UBAC2: variants seen among roughly 807,000 people sequenced by gnomAD.
The protein encoded by UBAC2 is ubiquitin-associated domain-containing protein 2.
In UBAC2, 26 loss-of-function variants were observed where a neutral mutation model predicts 44.0. The observed-to-expected ratio is 0.59, with a 90% CI of 0.43 to 0.82. UBAC2 has a LOEUF of 0.82. Ranked by LOEUF, UBAC2 falls within the 40% of genes least tolerant of loss-of-function variation. The pLI, the probability that UBAC2 is intolerant of heterozygous loss-of-function variation, is 0.00. For synonymous variants in UBAC2, 155 were observed against 154.3 expected, an observed-to-expected ratio of 1.00 and a Z score of -0.04; for missense variants, 329 against 419.4, an observed-to-expected ratio of 0.78 and a Z score of 1.88.
At chr13:99,249,269 C>T (rs2043428001) in intron 4 of UBAC2, among the ~76,000 whole-genome samples, 1 of 152,094 alleles carries the variant, frequency 6.6e-6, no homozygotes, top group South Asian at 2.1e-4. Flanking sequence ...TTAGCTCCCA[C>T]TTTTAAGTGA....
intron 4 of UBAC2, among the ~76,000 whole-genome samples, chr13:99,298,267 A>C (rs2044206330): frequency 6.6e-6 from 1 of 152,228 alleles, no homozygotes; most frequent in Non-Finnish European, 1.5e-5. Flanking sequence ...AGGTCACCAG[A>C]AGACTCAAAG....
intron 4 of UBAC2, among the ~76,000 whole-genome samples, chr13:99,245,479 AC>A (rs2043372057): frequency 6.6e-6 from 1 of 152,226 alleles, no homozygotes; most frequent in African/African-American, 2.4e-5. Context: ...TTTAAAAAAA[AC>A]AAAAACCATG....
intron 4 of UBAC2, among the ~76,000 whole-genome samples, chr13:99,251,730 T>A (rs531280252): frequency 6.6e-6 from 1 of 152,270 alleles, no homozygotes; most frequent in South Asian, 2.1e-4. Context: ...CAGACCAGAT[T>A]TGAGATTCCA....
At chr13:99,323,779 A>G (rs960716369) in intron 6 of UBAC2, among the ~76,000 whole-genome samples, 8 of 152,186 alleles carry the variant, frequency 5.3e-5, no homozygotes, top group African/African-American at 1.4e-4. Context: ...CCTTGTGGCA[A>G]TTGCAACTCA....
At chr13:99,360,994 A>G (rs530191295) in intron 7 of UBAC2, among the ~76,000 whole-genome samples, 64 of 152,306 alleles carry the variant, frequency 4.2e-4, no homozygotes, top group Admixed American at 1.8e-3. Flanking sequence ...TAATGTAGAC[A>G]CTGCCTGACC....
intron 1 of UBAC2, among the ~76,000 whole-genome samples, chr13:99,202,605 G>A (rs543616399): frequency 6.6e-6 from 1 of 152,322 alleles, no homozygotes; most frequent in Non-Finnish European, 1.5e-5. Flanking sequence ...TTGATACAGG[G>A]CAACTGTGGG....
At chr13:99,294,762 A>G in intron 4 of UBAC2, 1 of 223,434 alleles carries the variant, frequency 4.5e-6, no homozygotes, top group Non-Finnish European at 8.8e-6. Flanking sequence ...AGAAATAATA[A>G]TTAAATTTTT....
chr13:99,252,902 C>T (rs1594050033), intron 4 of UBAC2, among the ~76,000 whole-genome samples: 1 of 151,742 alleles, frequency 6.6e-6, no homozygotes, highest in Non-Finnish European at 1.5e-5. Flanking sequence ...AGACTAAACT[C>T]TTCTTATCAA....
intron 4 of UBAC2, among the ~76,000 whole-genome samples, chr13:99,277,317 G>A (rs2043896766): frequency 6.6e-6 from 1 of 152,158 alleles, no homozygotes; most frequent in Non-Finnish European, 1.5e-5. Context: ...CCTGAGGTCA[G>A]GAGTTCGAGA....
At chr13:99,315,789 A>C (rs1435977233) in intron 5 of UBAC2, among the ~76,000 whole-genome samples, 1 of 152,076 alleles carries the variant, frequency 6.6e-6, no homozygotes, top group Non-Finnish European at 1.5e-5. Context: ...CATTTTTCTG[A>C]GATTGTAAAT....
Position 99,357,341 on chromosome 13 carries a change from C to T in UBAC2, c.808-10446C>T, listed in dbSNP as rs368629370. The stretch of plus-strand genomic sequence containing the variant: ...AGCCCTGTTGTTAAGCGACACGTGA[C>T]TACAGTTTTAAGTCTAACAAGATGC... On this transcript the variant is annotated intron_variant, in intron 7 of 8. Coordinates refer to ENST00000403766, the MANE Select transcript of UBAC2 (RefSeq NM_001144072.2). Among the ~76,000 whole-genome samples, 4 of 152,302 alleles carry T rather than the reference C, an allele frequency of 2.6e-5. No homozygotes were observed. The East Asian group carries it at 7.7e-4, about 29-fold the overall frequency.
chr13:99,360,942 G>A (rs1484759073), intron 7 of UBAC2, among the ~76,000 whole-genome samples: 3 of 152,134 alleles, frequency 2.0e-5, no homozygotes, highest in African/African-American at 7.2e-5. Flanking sequence ...GTGGACGCTC[G>A]AGTGCCCGAG....
intron 1 of UBAC2, among the ~76,000 whole-genome samples, chr13:99,233,841 T>G (rs964244878): frequency 5.3e-5 from 8 of 152,202 alleles, no homozygotes; most frequent in African/African-American, 1.9e-4. Context: ...TGTTTTTGGT[T>G]CCCGATGAAG....
At chr13:99,286,086 C>T (rs1045512837) in intron 4 of UBAC2, among the ~76,000 whole-genome samples, 4 of 152,188 alleles carry the variant, frequency 2.6e-5, no homozygotes, top group African/African-American at 9.7e-5. Flanking sequence ...GGAGTCTATT[C>T]CTGGAGGCGC....
chr13:99,356,566 A>T (rs1440551639), intron 7 of UBAC2, among the ~76,000 whole-genome samples: 1 of 152,226 alleles, frequency 6.6e-6, no homozygotes, highest in Non-Finnish European at 1.5e-5. Context: ...GGAAAAGTGA[A>T]ACCGAGAGCT....
At chr13:99,362,022 A>G (rs2045271934) in intron 7 of UBAC2, among the ~76,000 whole-genome samples, 1 of 152,162 alleles carries the variant, frequency 6.6e-6, no homozygotes, top group Admixed American at 6.5e-5. Context: ...AAAAGTTAAA[A>G]TAGTATATAT....
At chr13:99,376,691 A>G (rs1038324587) in intron 8 of UBAC2, among the ~76,000 whole-genome samples, 169 of 152,320 alleles carry the variant, frequency 1.1e-3, no homozygotes, top group African/African-American at 3.8e-3. Flanking sequence ...GGCGAACCCA[A>G]CTAGAGCTGG....
chr13:99,218,771 A>C (rs1469120396), intron 1 of UBAC2, among the ~76,000 whole-genome samples: 1 of 152,080 alleles, frequency 6.6e-6, no homozygotes, highest in Admixed American at 6.5e-5. Context: ...TAACAAAAAT[A>C]AACCTGGAAC....
rs751417236 is a variant in UBAC2, at chr13:99,295,054, T to A, written c.390-19043T>A. ...TACGTCACTATAAACCAAAATACAA[T>A]CCATTTCACTTTCCATTTGAAGACT... On this transcript the variant is annotated intron_variant, in intron 4 of 8. Coordinates refer to ENST00000403766, the MANE Select transcript of UBAC2 (RefSeq NM_001144072.2). This position sits in a 1 kb window ranked among gnomAD's most constrained non-coding sequence, Gnocchi z 4.1. The A allele has an allele frequency of 5.0e-6, 8 of 1,611,138 alleles. No homozygotes were observed. The highest frequency in any genetic ancestry group is 6.8e-6 in the Non-Finnish European group (8 of 1,178,514).
Sources: allele counts gnomAD v4.1 joint callset (sites outside exome capture counted in the v4.1 genomes callset), GRCh38; gene constraint gnomAD v4.1.1; non-coding constraint Gnocchi (gnomAD v3.1); transcripts MANE v1.5; gene names NCBI Gene and HGNC (gene_info 2026-07-23, HGNC 2026-07-21).